CYS1: variants seen among roughly 807,000 people sequenced by gnomAD.
CYS1 encodes the protein cystin 1, also known as cystin-1.
CYS1 carries 5 observed loss-of-function variants against 9.6 expected under a neutral mutation model. That is an observed-to-expected ratio of 0.52 (90% CI 0.27 to 1.10). The LOEUF is 1.10. Ranked by LOEUF, CYS1 falls within the 50% of genes least tolerant of loss-of-function variation. CYS1 has a pLI of 0.11. For synonymous variants in CYS1, 88 were observed against 95.7 expected (o/e 0.92, Z 0.47); for missense variants, 221 against 207.9 (o/e 1.06, Z -0.39).
intron 1 of CYS1, among the ~76,000 whole-genome samples, chr2:10,074,816 C>G (rs952864125): frequency 2.0e-5 from 3 of 152,088 alleles, no homozygotes; most frequent in Non-Finnish European, 4.4e-5. Flanking sequence ...CCAGGCTGTT[C>G]AAAAGCACTT....
At position 10,075,031 on chromosome 2, in the gene CYS1, G is replaced by A. The variant is rs191322151; in HGVS notation, c.318+4875C>T. ...GGAGGCTGAGACAGGAGAATTGCTG[G>A]AACCCGGGAGGCGGAGGCTGCAGTG... On this transcript the variant is annotated intron_variant, in intron 1 of 2. Coordinates refer to ENST00000381813, the MANE Select transcript of CYS1 (RefSeq NM_001037160.3). Among the ~76,000 whole-genome samples the A allele has an allele frequency of 1.2e-4, 18 of 152,162 alleles. No homozygotes were observed. In the East Asian group the frequency reaches 3.5e-3, roughly 29 times the overall value.
intron 1 of CYS1, among the ~76,000 whole-genome samples, chr2:10,072,997 A>C (rs933780834): frequency 6.6e-6 from 1 of 150,476 alleles, no homozygotes; most frequent in Admixed American, 6.6e-5. Context: ...GTGTGGGAGC[A>C]GTGCAGATGT....
intron 2 of CYS1, 103 bp downstream of exon 2, chr2:10,065,801 G>A: frequency 8.7e-7 from 1 of 1,147,106 alleles, no homozygotes; most frequent in Non-Finnish European, 1.3e-6. Context: ...GAAACCTCGT[G>A]AGGACCTGGA....
At chr2:10,072,231 C>T (rs906907491) in intron 1 of CYS1, among the ~76,000 whole-genome samples, 5 of 152,056 alleles carry the variant, frequency 3.3e-5, no homozygotes, top group Non-Finnish European at 5.9e-5. Flanking sequence ...TACAGGCATC[C>T]GCCACCACAC....
At chr2:10,079,492 T>A (rs758073192) in intron 1 of CYS1, among the ~76,000 whole-genome samples, 28 of 152,116 alleles carry the variant, frequency 1.8e-4, no homozygotes, top group Non-Finnish European at 3.5e-4. Flanking sequence ...AACATGAGAA[T>A]TGCCTGCCCA....
chr2:10,071,271 G>A (rs1661764818), intron 1 of CYS1, among the ~76,000 whole-genome samples: 1 of 152,188 alleles, frequency 6.6e-6, no homozygotes, highest in South Asian at 2.1e-4. Context: ...CCGGCTCTGA[G>A]AACCTCTTAA....
At position 10,080,279 on chromosome 2, in the gene CYS1, GGGGGCGGGGACGCTAGGGGGTGCGGCC is replaced by G; in HGVS notation, c.-83_-57del. 1 of 1,001,036 alleles carries G rather than the reference GGGGGCGGGGACGCTAGGGGGTGCGGCC, an allele frequency of 1.0e-6. No homozygotes were observed. The highest frequency in any genetic ancestry group is 1.2e-6 in the Non-Finnish European group (1 of 837,656). The allele number at this position is 1,001,036 out of a possible 1,614,324, so 62.0% of individuals were successfully genotyped here. A position where few individuals can be genotyped will look rare whatever the true frequency, so the allele number is the denominator to read the frequency against. On this transcript the variant is annotated 5_prime_UTR_variant, in exon 1 of 3. Coordinates refer to ENST00000381813, the MANE Select transcript of CYS1 (RefSeq NM_001037160.3). The surrounding 1 kb of genome is among the most constrained non-coding windows in gnomAD (Gnocchi z 6.4). Reference sequence around the variant, plus strand: ...GGGGCCCCCATGAGGGGGCGCGGCCGGGGGCGGGGACGCTAGGGGGTGCGGCCGGGGCGGGCTGCAGGGGGAGGCGCG... The same window carrying G: ...GGGGCCCCCATGAGGGGGCGCGGCCGGGGGCGGGCTGCAGGGGGAGGCGCG...
chr2:10,079,039 G>C (rs1433573207), intron 1 of CYS1, among the ~76,000 whole-genome samples: 1 of 152,184 alleles, frequency 6.6e-6, no homozygotes, highest in East Asian at 1.9e-4. Flanking sequence ...AAGGAATCTT[G>C]TTATATAATT....
chr2:10,080,012 A>T lies in CYS1; in HGVS notation c.212T>A (p.Leu71Gln). ...VAPPDGRDET[L>Q]RLLDELLAES... Reference sequence around the variant, plus strand: ...GGCCAGCAGCTCGTCCAGCAGGCGCAGCGTCTCGTCCCTGCCGTCGGGGGG... The same window carrying T: ...GGCCAGCAGCTCGTCCAGCAGGCGCTGCGTCTCGTCCCTGCCGTCGGGGGG... Residue 71 changes from leucine to glutamine, a missense_variant, in exon 1 of 3, where the codon CTG (leucine) becomes CAG (glutamine). By Grantham distance (113) the Leu-to-Gln change is moderately radical (BLOSUM62 -2). Transcript: ENST00000381813. The surrounding 1 kb of genome is among the most constrained non-coding windows in gnomAD (Gnocchi z 6.4). 1 of 1,081,826 alleles carries T rather than the reference A, an allele frequency of 9.2e-7. No individual in the cohort carries two copies. Among genetic ancestry groups the T allele is most frequent in the Non-Finnish European group, 1.1e-6 (1 of 893,140 alleles). The allele number at this position is 1,081,826 out of a possible 1,614,324, so 67.0% of individuals were successfully genotyped here. A position where few individuals can be genotyped will look rare whatever the true frequency, so the allele number is the denominator to read the frequency against.
chr2:10,066,661 G>C (rs1661700868), intron 1 of CYS1, among the ~76,000 whole-genome samples: 1 of 152,234 alleles, frequency 6.6e-6, no homozygotes, highest in Non-Finnish European at 1.5e-5. Flanking sequence ...TTTTCCAAGA[G>C]AGTCTTGGTG....
intron 1 of CYS1, among the ~76,000 whole-genome samples, chr2:10,079,689 C>T (rs1012871157): frequency 2.0e-5 from 3 of 151,894 alleles, no homozygotes; most frequent in Admixed American, 2.0e-4. Context: ...CCGCTCCCAG[C>T]GCGATCGCCC....
At chr2:10,067,937 T>G (rs1429992685) in intron 1 of CYS1, among the ~76,000 whole-genome samples, 1 of 152,226 alleles carries the variant, frequency 6.6e-6, no homozygotes, top group Non-Finnish European at 1.5e-5. Flanking sequence ...GTCATCTCTA[T>G]CTTAATCCTT....
intron 1 of CYS1, 137 bp downstream of exon 1, chr2:10,079,769 C>CG: frequency 2.2e-6 from 1 of 457,810 alleles, no homozygotes; most frequent in Non-Finnish European, 3.0e-6. Context: ...GGCGGGGAGG[C>CG]CGGGGCAGCG....
chr2:10,060,529 C>A (rs1661611944), intron 2 of CYS1, among the ~76,000 whole-genome samples: 1 of 152,224 alleles, frequency 6.6e-6, no homozygotes, highest in Non-Finnish European at 1.5e-5. Flanking sequence ...CCGGAGACGT[C>A]ATGCCCCTAT....
chr2:10,064,698 T>C (rs1052436302), intron 2 of CYS1, among the ~76,000 whole-genome samples: 1 of 151,856 alleles, frequency 6.6e-6, no homozygotes, highest in African/African-American at 2.4e-5. Context: ...TCAAGCCATA[T>C]TATTTTTATA....
Position 10,080,181 on chromosome 2 carries a change from G to A in CYS1, c.43C>T (p.Arg15Trp), listed in dbSNP as rs1438542142. 3.8e-5 allele frequency: 41 copies of A among 1,069,858 alleles called. No homozygotes were observed. Among genetic ancestry groups the A allele is most frequent in the Non-Finnish European group, 4.5e-5 (40 of 886,432 alleles). 66.3% of individuals were successfully genotyped at this position (1,069,858 alleles called of 1,614,324 possible). A position where few individuals can be genotyped will look rare whatever the true frequency, so the allele number is the denominator to read the frequency against. Residue 15 changes from arginine to tryptophan, a missense_variant, in exon 1 of 3, where the codon CGG becomes TGG. By Grantham distance (101) the Arg-to-Trp change is moderately radical. Coordinates refer to ENST00000381813, the MANE Select transcript of CYS1 (RefSeq NM_001037160.3). The surrounding 1 kb of genome is among the most constrained non-coding windows in gnomAD (Gnocchi z 6.4). ...SSRSSRTLRR[R>W]RSPESLPAGP... ...GCGGGGAGGCTCTCGGGGCTGCGCC[G>A]CCGCCTCAGAGTCCGGCTGCTCCGG... is the stretch of plus-strand genomic sequence containing the variant.
In CYS1 at chr2:10,080,179, C is replaced by G; in HGVS notation, c.45G>C (p.Arg15=). The change falls in exon 1 of 3, where the codon CGG becomes CGC. Residue 15 remains arginine (R), a synonymous_variant. Coordinates refer to ENST00000381813, the MANE Select transcript of CYS1 (RefSeq NM_001037160.3). This position sits in a 1 kb window ranked among gnomAD's most constrained non-coding sequence, Gnocchi z 6.4. ...CCGCGGGGAGGCTCTCGGGGCTGCG[C>G]CGCCGCCTCAGAGTCCGGCTGCTCC... is the stretch of plus-strand genomic sequence containing the variant. The part of the protein sequence containing the change: ...SSRSSRTLRR[R]RSPESLPAGP... 9.3e-7 allele frequency: 1 copy of G among 1,070,892 alleles called. No homozygotes were observed. The highest frequency in any genetic ancestry group is 3.6e-5 in the South Asian group (1 of 27,652). 66.3% of individuals were successfully genotyped at this position (1,070,892 alleles called of 1,614,324 possible).
chr2:10,069,609 C>T (rs1478599715), intron 1 of CYS1, among the ~76,000 whole-genome samples: 1 of 152,142 alleles, frequency 6.6e-6, no homozygotes, highest in Non-Finnish European at 1.5e-5. Flanking sequence ...CCTCATGATC[C>T]ACCTGCCTCA....
intron 2 of CYS1, among the ~76,000 whole-genome samples, chr2:10,062,298 CAG>C (rs1367551957): frequency 6.6e-6 from 1 of 152,198 alleles, no homozygotes; most frequent in African/African-American, 2.4e-5. Flanking sequence ...TACGCTTCTC[CAG>C]AGAGAACAAA....
Sources: allele counts gnomAD v4.1 joint callset (sites outside exome capture counted in the v4.1 genomes callset), GRCh38; gene constraint gnomAD v4.1.1; non-coding constraint Gnocchi (gnomAD v3.1); transcripts MANE v1.5; gene names NCBI Gene and HGNC (gene_info 2026-07-23, HGNC 2026-07-21).